The following MECOM variants were observed in gnomAD, a reference collection of about 807,000 sequenced individuals.
The protein encoded by MECOM is MDS1 and EVI1 complex locus.
Under a neutral mutation model 116.3 loss-of-function variants are expected in MECOM, and 13 were observed. The observed-to-expected ratio is 0.11, with a 90% CI of 0.07 to 0.18. The LOEUF is 0.18. Among genes scored for constraint, MECOM ranks in the 10% least tolerant of loss-of-function variants. The pLI is 1.00. For missense variants in MECOM, 1,299 were observed against 1,509.0 expected, an observed-to-expected ratio of 0.86 and a Z score of 2.31; for synonymous variants, 528 against 535.2, an observed-to-expected ratio of 0.99 and a Z score of 0.19.
chr3:169,641,291 A>G (rs1455716090), intron 1 of MECOM, among the ~76,000 whole-genome samples: 2 of 152,216 alleles, frequency 1.3e-5, no homozygotes, highest in Admixed American at 6.5e-5. Context: ...ACCTCAGGAC[A>G]GGATCGGCTG....
intron 2 of MECOM, among the ~76,000 whole-genome samples, chr3:169,338,455 G>A (rs1015612036): frequency 6.6e-6 from 1 of 152,168 alleles, no homozygotes; most frequent in Non-Finnish European, 1.5e-5. Context: ...ATCTGGAATG[G>A]TAGGCACCTC....
intron 2 of MECOM, among the ~76,000 whole-genome samples, chr3:169,229,524 GGAGT>G (rs1357964866): frequency 6.6e-6 from 1 of 152,144 alleles, no homozygotes; most frequent in East Asian, 1.9e-4. Flanking sequence ...CACTAGCCAG[GGAGT>G]TAGGTGAGGG....
chr3:169,225,302 AG>A (rs1752606396), intron 2 of MECOM, among the ~76,000 whole-genome samples: 1 of 152,238 alleles, frequency 6.6e-6, no homozygotes, highest in Non-Finnish European at 1.5e-5. Flanking sequence ...AACTAATGTT[AG>A]TTAAGTAGAG....
chr3:169,413,809 G>A (rs1202965667), intron 1 of MECOM, among the ~76,000 whole-genome samples: 1 of 152,304 alleles, frequency 6.6e-6, no homozygotes, highest in East Asian at 1.9e-4. Context: ...AGTGCAGCAA[G>A]GCCACTGTAG....
intron 2 of MECOM, among the ~76,000 whole-genome samples, chr3:169,244,637 G>A (rs1216951597): frequency 6.6e-6 from 1 of 152,170 alleles, no homozygotes; most frequent in East Asian, 1.9e-4. Context: ...ACAGCATTAA[G>A]TTTCTGACAT....
chr3:169,434,442 G>GT (rs141314375), intron 1 of MECOM, among the ~76,000 whole-genome samples: 28,400 of 149,070 alleles, frequency 0.19, 3,055 homozygotes, highest in East Asian at 0.25. Context: ...AAAGTTTACT[G>GT]TTTTTTTTTT....
chr3:169,577,532 G>A (rs1049468049), intron 1 of MECOM, among the ~76,000 whole-genome samples: 5 of 150,452 alleles, frequency 3.3e-5, no homozygotes, highest in East Asian at 3.9e-4. Flanking sequence ...TTCTATGGTC[G>A]CCTTTACTGA....
At chr3:169,209,504 T>C (rs541419934) in intron 2 of MECOM, among the ~76,000 whole-genome samples, 7 of 150,090 alleles carry the variant, frequency 4.7e-5, no homozygotes. Flanking sequence ...TAAACAAATT[T>C]ACGAGAAAAA....
intron 2 of MECOM, among the ~76,000 whole-genome samples, chr3:169,333,409 T>C (rs1723069799): frequency 6.6e-6 from 1 of 152,122 alleles, no homozygotes; most frequent in South Asian, 2.1e-4. Context: ...GGAGACATAG[T>C]AATTACCCAC....
chr3:169,318,137 C>T (rs1308121975), intron 2 of MECOM, among the ~76,000 whole-genome samples: 1 of 152,182 alleles, frequency 6.6e-6, no homozygotes. Flanking sequence ...GGATTAAAGA[C>T]TTAAATGTAA....
At chr3:169,405,867 A>G (rs1467232418) in intron 1 of MECOM, among the ~76,000 whole-genome samples, 1 of 152,228 alleles carries the variant, frequency 6.6e-6, no homozygotes, top group Non-Finnish European at 1.5e-5. Context: ...TATGGAAATG[A>G]ATTTAATTGA....
intron 13 of MECOM, 92 bp downstream of exon 13, chr3:169,094,984 T>C (rs968273323): frequency 1.0e-5 from 12 of 1,183,278 alleles, no homozygotes; most frequent in African/African-American, 7.8e-5. Flanking sequence ...GGCGTCAAAA[T>C]GGAATAAAAG....
At chr3:169,455,085 A>G (rs1746248910) in intron 1 of MECOM, among the ~76,000 whole-genome samples, 1 of 152,194 alleles carries the variant, frequency 6.6e-6, no homozygotes, top group Admixed American at 6.5e-5. Context: ...CATGTGAATG[A>G]AACAATTACA....
chr3:169,236,006 G>T (rs1754017711), intron 2 of MECOM, among the ~76,000 whole-genome samples: 3 of 152,126 alleles, frequency 2.0e-5, no homozygotes, highest in Admixed American at 6.5e-5. Context: ...CTTTTGCTGG[G>T]CTAGCTATAT....
chr3:169,536,201 A>C (rs1411946028), intron 1 of MECOM, among the ~76,000 whole-genome samples: 4 of 152,136 alleles, frequency 2.6e-5, no homozygotes, highest in African/African-American at 9.7e-5. Context: ...GACAAACCCC[A>C]ACCTTCTTTA....
chr3:169,092,507 T>C (rs1228039319), intron 14 of MECOM, among the ~76,000 whole-genome samples: 1 of 152,058 alleles, frequency 6.6e-6, no homozygotes, highest in Non-Finnish European at 1.5e-5. Context: ...ATATAATTTA[T>C]GATGTATAAT....
rs774865858 is a variant in MECOM at position 169,116,687 on chromosome 3, C to T, written c.1185G>A (p.Lys395=). 1.9e-6 allele frequency: 3 copies of T among 1,613,932 alleles called. No individual in the cohort carries two copies. In the South Asian group the frequency reaches 3.3e-5, roughly 18 times the overall value. The change falls in exon 8 of 17, where the codon AAG becomes AAA. Residue 395 remains lysine, a synonymous_variant. Transcript: ENST00000651503. ...YTQFSNLCRH[K]RMHADCRTQI... is the part of the protein sequence containing the mutation. The stretch of plus-strand genomic sequence containing the variant: ...GGGTTCTGCAATCAGCATGCATGCG[C>T]TTATGACGGCAAAGGTTTGAAAACT...
chr3:169,538,880 C>T (rs1452019133), intron 1 of MECOM, among the ~76,000 whole-genome samples: 2 of 152,140 alleles, frequency 1.3e-5, no homozygotes, highest in South Asian at 4.1e-4. Context: ...GAATAGAGTT[C>T]TTACATTTCA....
At chr3:169,454,269 T>C (rs1746095834) in intron 1 of MECOM, among the ~76,000 whole-genome samples, 1 of 151,936 alleles carries the variant, frequency 6.6e-6, no homozygotes, top group African/African-American at 2.4e-5. Flanking sequence ...AACAGCTTCA[T>C]AATTGAAATC....
Sources: gnomAD v4.1 joint callset for allele counts (sites outside exome capture counted in the v4.1 genomes callset) on GRCh38, gnomAD v4.1.1 for gene constraint, MANE v1.5 for transcripts, NCBI Gene and HGNC (gene_info 2026-07-23, HGNC 2026-07-21) for gene names.